LAPTM4B: variants seen among roughly 807,000 people sequenced by gnomAD.
LAPTM4B encodes lysosomal-associated transmembrane protein 4B.
Under a neutral mutation model 28.5 loss-of-function variants are expected in LAPTM4B, and 26 were observed. That is an observed-to-expected ratio of 0.91 (90% CI 0.67 to 1.27). The LOEUF (loss-of-function observed/expected upper bound fraction) is 1.27, where lower values mean the gene tolerates loss of function less well. LAPTM4B is among the 50% of genes most tolerant of loss of function. The pLI, the probability that LAPTM4B is intolerant of heterozygous loss-of-function variation, is 0.00. For missense variants in LAPTM4B, 288 were observed against 285.8 expected (o/e 1.01, Z -0.06); for synonymous variants, 109 against 106.4 (o/e 1.02, Z -0.15).
intron 1 of LAPTM4B, among the ~76,000 whole-genome samples, chr8:97,777,128 T>C (rs1017804233): frequency 1.4e-5 from 2 of 148,146 alleles, no homozygotes; most frequent in African/African-American, 5.0e-5. Flanking sequence ...TATAACTTTT[T>C]TCAGTGAGGT....
intron 1 of LAPTM4B, among the ~76,000 whole-genome samples, chr8:97,793,811 G>A (rs1816541813): frequency 6.6e-6 from 1 of 152,070 alleles, no homozygotes; most frequent in Non-Finnish European, 1.5e-5. Flanking sequence ...GGGACTAATG[G>A]GACAAGGGTT....
chr8:97,788,836 G>A (rs1244562225), intron 1 of LAPTM4B, among the ~76,000 whole-genome samples: 3 of 149,368 alleles, frequency 2.0e-5, no homozygotes, highest in East Asian at 2.0e-4. Context: ...CTGAGACTAC[G>A]GGTGTCTGTC....
At chr8:97,799,799 A>G (rs1358611018) in intron 1 of LAPTM4B, among the ~76,000 whole-genome samples, 1 of 151,958 alleles carries the variant, frequency 6.6e-6, no homozygotes, top group South Asian at 2.1e-4. Context: ...CCCATCCTAC[A>G]TTTTTGGTTC....
At chr8:97,847,906 G>T (rs1378335671) in intron 6 of LAPTM4B, among the ~76,000 whole-genome samples, 2 of 152,192 alleles carry the variant, frequency 1.3e-5, no homozygotes, top group Non-Finnish European at 2.9e-5. Context: ...TCTTCTCCAG[G>T]CATCTTAAGC....
chr8:97,811,011 AT>A (rs1563610435), intron 2 of LAPTM4B, among the ~76,000 whole-genome samples: 2 of 152,216 alleles, frequency 1.3e-5, no homozygotes, highest in African/African-American at 2.4e-5. Context: ...ATAAGAGAAT[AT>A]TCTCCACATT....
chr8:97,792,575 A>T (rs1206641762), intron 1 of LAPTM4B, among the ~76,000 whole-genome samples: 7 of 150,220 alleles, frequency 4.7e-5, no homozygotes, highest in African/African-American at 1.2e-4. Flanking sequence ...TTTTTTTTTT[A>T]TTTTTTATTT....
intron 1 of LAPTM4B, among the ~76,000 whole-genome samples, chr8:97,785,462 C>T (rs1177087271): frequency 2.0e-5 from 3 of 152,162 alleles, no homozygotes; most frequent in African/African-American, 7.2e-5. Flanking sequence ...CAATCACTCT[C>T]GGATTCACTT....
At chr8:97,779,189 T>C (rs971796845) in intron 1 of LAPTM4B, among the ~76,000 whole-genome samples, 2 of 151,974 alleles carry the variant, frequency 1.3e-5, no homozygotes, top group African/African-American at 4.8e-5. Context: ...GAGCACTGTC[T>C]CTTAACAGAG....
chr8:97,843,871 A>T (rs1782693369), intron 6 of LAPTM4B, among the ~76,000 whole-genome samples: 1 of 152,208 alleles, frequency 6.6e-6, no homozygotes, highest in African/African-American at 2.4e-5. Flanking sequence ...TGAAGCTGTT[A>T]TTTATATAGA....
At chr8:97,814,177 A>G (rs532346932) in intron 2 of LAPTM4B, among the ~76,000 whole-genome samples, 1 of 152,264 alleles carries the variant, frequency 6.6e-6, no homozygotes, top group African/African-American at 2.4e-5. Flanking sequence ...TGGGAGACCA[A>G]ACAAGACTCC....
chr8:97,802,849 A>C (rs993970493), intron 1 of LAPTM4B, among the ~76,000 whole-genome samples: 18 of 152,146 alleles, frequency 1.2e-4, no homozygotes, highest in African/African-American at 4.3e-4. Context: ...TCATTATTAC[A>C]ATTTTTTTCG....
intron 1 of LAPTM4B, among the ~76,000 whole-genome samples, chr8:97,799,608 A>T (rs1046980981): frequency 3.3e-5 from 5 of 152,194 alleles, no homozygotes; most frequent in African/African-American, 1.2e-4. Context: ...ATGGCCGCCT[A>T]TAATTTTTAT....
chr8:97,810,633 T>A (rs1330019361), intron 2 of LAPTM4B, among the ~76,000 whole-genome samples: 1 of 152,254 alleles, frequency 6.6e-6, no homozygotes, highest in Non-Finnish European at 1.5e-5. Context: ...TGTTACACAC[T>A]CATAGCCCTG....
chr8:97,840,253 T>C (rs1250210783), intron 6 of LAPTM4B, among the ~76,000 whole-genome samples: 2 of 152,228 alleles, frequency 1.3e-5, no homozygotes. Flanking sequence ...TTTGGGCCAC[T>C]GTATTGGTAT....
Position 97,801,384 on chromosome 8 carries a change from G to A in LAPTM4B, c.100-3969G>A, listed in dbSNP as rs189712529. Among the ~76,000 whole-genome samples the A allele has an allele frequency of 1.2e-3, 179 of 152,088 alleles. 4 individuals are homozygous for A. The highest frequency in any genetic ancestry group is 1.2e-3 in the Non-Finnish European group (79 of 68,002). ...TTTAGCAGAGATGGGGTTTCACCAC[G>A]TTGGCCAAACTGGTCTCAAACTCCT... On this transcript the variant is annotated intron_variant, in intron 1 of 6. Coordinates refer to ENST00000521545, the MANE Select transcript of LAPTM4B (RefSeq NM_018407.6).
chr8:97,805,113 T>C (rs1455521897), intron 1 of LAPTM4B, among the ~76,000 whole-genome samples: 3 of 152,220 alleles, frequency 2.0e-5, no homozygotes, highest in Non-Finnish European at 4.4e-5. Flanking sequence ...GGTAAAATCC[T>C]GCTGTTGTCT....
chr8:97,799,090 T>C lies in LAPTM4B; in HGVS notation c.100-6263T>C, dbSNP rs561118899. On this transcript the variant is annotated intron_variant, in intron 1 of 6. Transcript: ENST00000521545. ...GTAATTCTGCCTCCATGTGGAAAGG[T>C]CTTGGGGTTCCAACCTTGGCTCTCC... Among the ~76,000 whole-genome samples the C allele has an allele frequency of 4.2e-4, 64 of 152,288 alleles. 1 individual carries two copies. Among genetic ancestry groups the C allele is most frequent in the African/African-American group, 1.5e-3 (64 of 41,570 alleles).
In LAPTM4B at chr8:97,783,751, C is replaced by G. The variant is rs114991657; in HGVS notation, c.99+7643C>G. 3.1e-3 allele frequency among the ~76,000 whole-genome samples: 475 copies of G among 152,280 alleles called. 2 individuals carry two copies. The highest frequency in any genetic ancestry group is 0.011 in the African/African-American group (452 of 41,548). ...CTTCCCTAGCCAGGCCTTTCCGTCC[C>G]TCCCTCCCATAACCTGTTTTGCCGT... On this transcript the variant is annotated intron_variant, in intron 1 of 6. Transcript: ENST00000521545.
chr8:97,837,522 G>A (rs556197574), intron 6 of LAPTM4B, among the ~76,000 whole-genome samples: 1 of 152,156 alleles, frequency 6.6e-6, no homozygotes, highest in Admixed American at 6.5e-5. Flanking sequence ...TTAGAAACAA[G>A]TTCTTGACTG....
Sources: allele counts gnomAD v4.1 joint callset (sites outside exome capture counted in the v4.1 genomes callset), GRCh38; gene constraint gnomAD v4.1.1; transcripts MANE v1.5; gene names NCBI Gene and HGNC (gene_info 2026-07-23, HGNC 2026-07-21).